STPG2: variants seen among roughly 807,000 people sequenced by gnomAD.
The protein encoded by STPG2 is sperm tail PG-rich repeat containing 2.
Under a neutral mutation model 54.2 loss-of-function variants are expected in STPG2, and 56 were observed. That is an observed-to-expected ratio of 1.03 (90% CI 0.83 to 1.29). STPG2 has a LOEUF of 1.29. Among genes scored for constraint, STPG2 ranks in the 50% most tolerant of loss-of-function variants. The pLI, the probability that STPG2 is intolerant of heterozygous loss-of-function variation, is 0.00. For synonymous variants in STPG2, 200 were observed against 181.8 expected (o/e 1.10, Z -0.81); for missense variants, 596 against 544.9 (o/e 1.09, Z -0.93).
intron 10 of STPG2, among the ~76,000 whole-genome samples, chr4:97,687,469 A>G (rs1411455019): frequency 1.3e-5 from 2 of 151,956 alleles, no homozygotes; most frequent in Non-Finnish European, 2.9e-5. Flanking sequence ...CTTCCAGAAT[A>G]GCTGGGATTA....
chr4:97,970,427 A>AACCAAAACAGTGTGCTACTGGT (rs1734283184), intron 7 of STPG2, among the ~76,000 whole-genome samples: 2 of 152,236 alleles, frequency 1.3e-5, no homozygotes, highest in African/African-American at 2.4e-5. Flanking sequence ...AGGCTACAGC[A>AACCAAAACAGTGTGCTACTGGT]ACCAAAACAG....
chr4:97,634,172 G>A (rs1263838906), intron 10 of STPG2, among the ~76,000 whole-genome samples: 1 of 152,132 alleles, frequency 6.6e-6, no homozygotes, highest in Non-Finnish European at 1.5e-5. Context: ...CTCCTCAAGT[G>A]GGTCCCTGAC....
chr4:98,109,332 G>T, intron 3 of STPG2, 27 bp from the exon 4 acceptor site: 1 of 1,518,046 alleles, frequency 6.6e-7, no homozygotes, highest in South Asian at 1.2e-5. Context: ...TTTAAAAAGT[G>T]AGGATGAAAC....
chr4:97,850,677 A>G (rs1367542353), intron 8 of STPG2, among the ~76,000 whole-genome samples: 3 of 152,144 alleles, frequency 2.0e-5, no homozygotes, highest in Non-Finnish European at 2.9e-5. Flanking sequence ...TTGTTTAACA[A>G]CTATAAAAGC....
chr4:97,881,927 A>T (rs1190402311), intron 8 of STPG2, among the ~76,000 whole-genome samples: 1 of 152,146 alleles, frequency 6.6e-6, no homozygotes, highest in Non-Finnish European at 1.5e-5. Flanking sequence ...TGTCACTACC[A>T]TCCTAACAAC....
chr4:97,958,309 C>CA (rs35930652), intron 7 of STPG2, among the ~76,000 whole-genome samples: 58,215 of 148,490 alleles, frequency 0.39, 11,331 homozygotes, highest in Middle Eastern at 0.45. Flanking sequence ...GGATGTGTCT[C>CA]AAAAAAAAAG....
chr4:97,746,293 T>C (rs1725419241), intron 9 of STPG2, among the ~76,000 whole-genome samples: 1 of 151,368 alleles, frequency 6.6e-6, no homozygotes, highest in South Asian at 2.1e-4. Context: ...CACAGCTATA[T>C]ATAACTTTGC....
chr4:97,781,851 A>C (rs573807179), intron 9 of STPG2, among the ~76,000 whole-genome samples: 67 of 152,346 alleles, frequency 4.4e-4, no homozygotes, highest in African/African-American at 1.5e-3. Context: ...ATCTCAATAG[A>C]TGCAGAAGAG....
chr4:97,829,182 C>T (rs116647280), intron 9 of STPG2, among the ~76,000 whole-genome samples: 2,140 of 152,182 alleles, frequency 0.014, 21 homozygotes, highest in Non-Finnish European at 0.02. Flanking sequence ...AAGGAACAGG[C>T]GGCAATATCT....
intron 4 of STPG2, among the ~76,000 whole-genome samples, chr4:97,522,498 T>G (rs1731203704): frequency 6.6e-6 from 1 of 152,002 alleles, no homozygotes; most frequent in Non-Finnish European, 1.5e-5. Flanking sequence ...ACTTAATTAT[T>G]TTTTTCACTA....
intron 4 of STPG2, among the ~76,000 whole-genome samples, chr4:97,479,419 A>T (rs1311232907): frequency 6.6e-6 from 1 of 151,994 alleles, no homozygotes; most frequent in Non-Finnish European, 1.5e-5. Flanking sequence ...ACTCTTCTGC[A>T]TAAAAGATAA....
At chr4:97,622,748 G>T (rs1175086566) in intron 10 of STPG2, among the ~76,000 whole-genome samples, 1 of 151,892 alleles carries the variant, frequency 6.6e-6, no homozygotes, top group Non-Finnish European at 1.5e-5. Flanking sequence ...ATTGTTTACA[G>T]AATTTTTTAA....
intron 4 of STPG2, among the ~76,000 whole-genome samples, chr4:97,484,790 C>T (rs1180137447): frequency 2.0e-5 from 3 of 151,888 alleles, no homozygotes; most frequent in Non-Finnish European, 2.9e-5. Flanking sequence ...CCCTGATGAA[C>T]ATAGATGCTA....
chr4:97,877,626 G>A (rs986842389), intron 8 of STPG2, among the ~76,000 whole-genome samples: 4 of 152,092 alleles, frequency 2.6e-5, no homozygotes, highest in Non-Finnish European at 5.9e-5. Flanking sequence ...AGAACAGTGT[G>A]GGGAAACTGC....
intron 4 of STPG2, among the ~76,000 whole-genome samples, chr4:97,481,407 G>C (rs1383953164): frequency 1.3e-5 from 2 of 151,590 alleles, no homozygotes; most frequent in South Asian, 2.1e-4. Context: ...TTCTGAAAAA[G>C]AAGCTTGCTG....
At chr4:98,064,740 CA>C (rs1737772238) in intron 5 of STPG2, among the ~76,000 whole-genome samples, 1 of 152,138 alleles carries the variant, frequency 6.6e-6, no homozygotes, top group Non-Finnish European at 1.5e-5. Context: ...TTCAGTAATT[CA>C]AGAGTGGCTT....
At chr4:97,467,237 G>A (rs1005287318) in intron 4 of STPG2, among the ~76,000 whole-genome samples, 1 of 151,572 alleles carries the variant, frequency 6.6e-6, no homozygotes, top group African/African-American at 2.4e-5. Context: ...CATTTTCATG[G>A]CAATCATAAA....
At chr4:97,803,608 T>G (rs1727463536) in intron 9 of STPG2, among the ~76,000 whole-genome samples, 1 of 152,110 alleles carries the variant, frequency 6.6e-6, no homozygotes, top group Non-Finnish European at 1.5e-5. Flanking sequence ...TAGCGTAATC[T>G]CAGCTCACTG....
At chr4:97,944,163 A>G (rs1423964382) in intron 7 of STPG2, among the ~76,000 whole-genome samples, 156 bp from the exon 8 acceptor site, 1 of 152,142 alleles carries the variant, frequency 6.6e-6, no homozygotes, top group Non-Finnish European at 1.5e-5. Flanking sequence ...AATATGACAC[A>G]GAAAGAAAAA....
Sources: allele counts gnomAD v4.1 joint callset (sites outside exome capture counted in the v4.1 genomes callset), GRCh38; gene constraint gnomAD v4.1.1; transcripts MANE v1.5; gene names NCBI Gene and HGNC (gene_info 2026-07-23, HGNC 2026-07-21).